NES: variants seen among roughly 807,000 people sequenced by gnomAD.
The protein encoded by NES is nestin.
A neutral mutation model predicts 35.6 loss-of-function variants in NES; 27 were observed. That is an observed-to-expected ratio of 0.76 (90% CI 0.56 to 1.04). The LOEUF is 1.04. Among genes scored for constraint, NES ranks in the 50% least tolerant of loss-of-function variants. The pLI is 0.00. For missense variants in NES, 1,867 were observed against 1,983.6 expected (o/e 0.94, Z 1.12); for synonymous variants, 822 against 824.2 (o/e 1.00, Z 0.04).
chr1:156,673,635 G>A (rs958374729), intron 2 of NES, 108 bp from the exon 3 acceptor site: 17 of 689,074 alleles, frequency 2.5e-5, no homozygotes, highest in Non-Finnish European at 3.7e-5. Context: ...AGGCCCTGCA[G>A]GCTTCCTCTT....
Position 156,671,318 on chromosome 1 carries a change from T to A in NES, c.2870A>T (p.Lys957Met), listed in dbSNP as rs1427461304. 6.2e-7 allele frequency: 1 copy of A among 1,614,128 alleles called. No homozygotes were observed. The highest frequency in any genetic ancestry group is 1.7e-5 in the Admixed American group (1 of 60,024). ...GCTTTCCTGAGCCAGTTCTTGGTCC[T>A]TCTCCACCGTATCTTCCCACCTCTG... ...DVQRWEDTVE[K>M]DQELAQESPP... is the part of the protein sequence containing the mutation. The change falls in exon 4 of 4, where the codon AAG (lysine) becomes ATG (methionine). Residue 957 changes from lysine (K) to methionine (M), a missense_variant. By Grantham distance (95) the Lys-to-Met change is moderately conservative. Transcript: ENST00000368223.
In NES at chr1:156,670,859, T is replaced by TCCCCCCCCCCACCCCCCCCCCCCCCCC; in HGVS notation, c.3328_3329insGGGGGGGGGGGGGGGGTGGGGGGGGGG (p.Gly1109_Asp1110insGlyGlyGlyGlyGlyGlyGlyGlyGly). 1.2e-6 allele frequency: 2 copies of TCCCCCCCCCCACCCCCCCCCCCCCCCC among 1,609,332 alleles called. No homozygotes were observed. The highest frequency in any genetic ancestry group is 2.2e-5 in the East Asian group (1 of 44,560). ...CTCTTCCCTGGTCAGATGGCCTGGG[T>TCCCCCCCCCCACCCCCCCCCCCCCCCC]CCCCCAGCCCTCCCACCCCCTGCCC... On this transcript the variant is annotated inframe_insertion, in exon 4 of 4. Transcript: ENST00000368223.
chr1:156,671,044 C>T lies in NES; in HGVS notation c.3144G>A (p.Val1048=), dbSNP rs1192738038. The T allele has an allele frequency of 1.9e-6, 3 of 1,613,482 alleles. No individual in the cohort carries two copies. Among genetic ancestry groups the T allele is most frequent in the Non-Finnish European group, 2.5e-6 (3 of 1,179,978 alleles). ...GGGGAGCCTGGAGGCCTGGGGCCCC[C>T]ACCTGTTGTGATTGCCCTTCAGGGT... ...LQDPEGQSQQ[V]GAPGLQAPQG... The change falls in exon 4 of 4, where the codon GTG becomes GTA. Residue 1048 remains valine (V), a synonymous_variant. Coordinates refer to ENST00000368223, the MANE Select transcript of NES (RefSeq NM_006617.2).
Position 156,671,167 on chromosome 1 carries a change from C to A in NES, c.3021G>T (p.Trp1007Cys). The A allele has an allele frequency of 6.2e-7, 1 of 1,614,124 alleles. No individual in the cohort carries two copies. Among genetic ancestry groups the A allele is most frequent in the South Asian group, 1.1e-5 (1 of 91,070 alleles). Residue 1007 changes from tryptophan to cysteine, a missense_variant, in exon 4 of 4, where the codon TGG (tryptophan) becomes TGT (cysteine). By Grantham distance (215) the Trp-to-Cys change is radical. Transcript: ENST00000368223. ...TCTCTGGGTGCCCCTCGCCTGGGAT[C>A]CAGACCTCCTCTGTGGCATTCAGCT... is the stretch of plus-strand genomic sequence containing the variant. Reference protein sequence around the residue: ...QGELNATEEVWIPGEGHPESP... With the variant: ...QGELNATEEVCIPGEGHPESP...
Position 156,669,531 on chromosome 1 carries a change from C to G in NES, c.4657G>C (p.Val1553Leu), listed in dbSNP as rs957128400. The G allele has an allele frequency of 2.5e-6, 4 of 1,611,804 alleles. No homozygotes were observed. The African/African-American group carries it at 5.3e-5, about 22-fold the overall frequency. The change falls in exon 4 of 4, where the codon GTG (valine) becomes CTG (leucine). Residue 1553 changes from valine (V) to leucine (L), a missense_variant. Val to Leu is a conservative substitution (Grantham distance 32). Coordinates refer to ENST00000368223, the MANE Select transcript of NES (RefSeq NM_006617.2). Reference protein sequence around the residue: ...EGKSQHVNGGVMNGLEQSEEV... With the variant: ...EGKSQHVNGGLMNGLEQSEEV... ...TCAGACTGCTCCAGCCCGTTCATCA[C>G]TCCCCCATTCACATGCTGTGACTTC...
rs1321239679 is a variant in NES, at chr1:156,671,289, G to A, written c.2899C>T (p.Pro967Ser). Residue 967 changes from proline to serine, a missense_variant, in exon 4 of 4, where the codon CCT (proline) becomes TCT (serine). Physicochemically the swap from Pro to Ser is moderately conservative, Grantham distance 74. Coordinates refer to ENST00000368223, the MANE Select transcript of NES (RefSeq NM_006617.2). ...KDQELAQESP[P>S]GMAGVENEDE... Reference sequence around the variant, plus strand: ...TCATTTTCCACTCCAGCCATCCCAGGAGGGCTTTCCTGAGCCAGTTCTTGG... The same window carrying A: ...TCATTTTCCACTCCAGCCATCCCAGAAGGGCTTTCCTGAGCCAGTTCTTGG... The A allele has an allele frequency of 5.6e-6, 9 of 1,614,060 alleles. No homozygotes were observed. Among genetic ancestry groups the A allele is most frequent in the Middle Eastern group, 3.3e-4 (2 of 6,062 alleles).
chr1:156,672,146 G>A lies in NES; in HGVS notation c.2042C>T (p.Pro681Leu), dbSNP rs1289863539. 8.1e-6 allele frequency: 13 copies of A among 1,611,876 alleles called. No homozygotes were observed. Among genetic ancestry groups the A allele is most frequent in the South Asian group, 1.1e-5 (1 of 90,638 alleles). ...EKENQEPLRS[P>L]EVGDEEALRP... Reference sequence around the variant, plus strand: ...CAGTGCCTCCTCATCCCCTACTTCTGGAGATCTCAGTGGCTCTTGATTCTC... The same window carrying A: ...CAGTGCCTCCTCATCCCCTACTTCTAGAGATCTCAGTGGCTCTTGATTCTC... The change falls in exon 4 of 4, where the codon CCA becomes CTA. Residue 681 changes from proline (P) to leucine (L), a missense_variant. Pro to Leu is a moderately conservative substitution (Grantham distance 98). Transcript: ENST00000368223.
In NES at chr1:156,670,315, G is replaced by T. The variant is rs1049249901; in HGVS notation, c.3873C>A (p.Leu1291=). 3.1e-6 allele frequency: 5 copies of T among 1,612,034 alleles called. No homozygotes were observed. Among genetic ancestry groups the T allele is most frequent in the Non-Finnish European group, 4.2e-6 (5 of 1,178,942 alleles). The change falls in exon 4 of 4, where the codon CTC becomes CTA. Residue 1291 remains leucine (L), a synonymous_variant. Transcript: ENST00000368223. ...ESREESEEDE[L]GETLPDSTPL... ...GAGTGGAGTCTGGAAGGGTCTCCCC[G>T]AGCTCATCCTCCTCGCTCTCTTCTC...
rs1679664148 is a variant in NES, at chr1:156,669,888, C to A, written c.4300G>T (p.Ala1434Ser). 6 of 1,613,276 alleles carry A rather than the reference C, an allele frequency of 3.7e-6. No homozygotes were observed. Among genetic ancestry groups the A allele is most frequent in the Non-Finnish European group, 5.1e-6 (6 of 1,179,764 alleles). ...EDQEEGREPGAGRWGPGSSVG... is the reference protein window; with the variant it reads ...EDQEEGREPGSGRWGPGSSVG... ...GAAGACCCTGGCCCCCACCGCCCAG[C>A]CCCTGGCTCCCTCCCCTCCTCCTGA... Residue 1434 changes from alanine to serine, a missense_variant, in exon 4 of 4, where the codon GCT becomes TCT. Transcript: ENST00000368223.
In NES at chr1:156,670,617, T is replaced by C. The variant is rs1464378244; in HGVS notation, c.3571A>G (p.Thr1191Ala). ...GCATCACTTCCAGTGTGGCCCAGGG[T>C]CTCAGCAGGGAACGCCTCCTCTGCT... ...RGAEEAFPAE[T>A]LGHTGSDAPS... The change falls in exon 4 of 4, where the codon ACC becomes GCC. Residue 1191 changes from threonine (T) to alanine (A), a missense_variant. Physicochemically the swap from Thr to Ala is moderately conservative, Grantham distance 58. Transcript: ENST00000368223. 1 of 1,613,632 alleles carries C rather than the reference T, an allele frequency of 6.2e-7. No homozygotes were observed. Among genetic ancestry groups the C allele is most frequent in the South Asian group, 1.1e-5 (1 of 91,074 alleles).
chr1:156,669,464 C>G lies in NES; in HGVS notation c.4724G>C (p.Arg1575Pro). The change falls in exon 4 of 4, where the codon CGA (arginine) becomes CCA (proline). Residue 1575 changes from arginine to proline, a missense_variant. By Grantham distance (103) the Arg-to-Pro change is moderately radical (BLOSUM62 -2). Transcript: ENST00000368223. ...CTCCTCCTCCTGAAAGGGGCTCCCT[C>G]GGTCTCCCTCAGAGACTAGCGGCAT... The part of the protein sequence containing the change: ...QGMPLVSEGD[R>P]GSPFQEEEGS... The G allele has an allele frequency of 1.9e-6, 3 of 1,613,596 alleles. No homozygotes were observed. In the South Asian group the frequency reaches 3.3e-5, roughly 18 times the overall value.
Position 156,676,832 on chromosome 1 carries a change from C to T in NES, c.433G>A (p.Glu145Lys), listed in dbSNP as rs1013329539. 2 of 1,452,486 alleles carry T rather than the reference C, an allele frequency of 1.4e-6. No homozygotes were observed. The highest frequency in any genetic ancestry group is 1.4e-5 in the South Asian group (1 of 69,882). The allele number at this position is 1,452,486 out of a possible 1,614,324, so 90.0% of individuals were successfully genotyped here. A position where few individuals can be genotyped will look rare whatever the true frequency, so the allele number is the denominator to read the frequency against. The part of the protein sequence containing the change: ...RELEALRVAH[E>K]EERVGLNAQA... ...GCGTTCAGGCCGACGCGCTCCTCCT[C>T]GTGCGCCACGCGTAGAGCCTCTAGC... The change falls in exon 1 of 4, where the codon GAG becomes AAG. Residue 145 changes from glutamate (E) to lysine (K), a missense_variant. By Grantham distance (56) the Glu-to-Lys change is moderately conservative. Transcript: ENST00000368223. This position sits in a 1 kb window ranked among gnomAD's most constrained non-coding sequence, Gnocchi z 5.3.
Position 156,677,019 on chromosome 1 carries a change from G to T in NES, c.246C>A (p.Asp82Glu). 1 of 1,586,500 alleles carries T rather than the reference G, an allele frequency of 6.3e-7. No individual in the cohort carries two copies. Among genetic ancestry groups the T allele is most frequent in the South Asian group, 1.1e-5 (1 of 88,504 alleles). ...CGCCCTCCAGCTCTTCAGCCAGGTT[G>T]TCGCGCGCCACCTCGGCCGCGTGCT... ...REKHAAEVAR[D>E]NLAEELEGVA... The change falls in exon 1 of 4, where the codon GAC (aspartate) becomes GAA (glutamate). Residue 82 changes from aspartate to glutamate, a missense_variant. Transcript: ENST00000368223. The surrounding 1 kb of genome is among the most constrained non-coding windows in gnomAD (Gnocchi z 4.5).
In NES at chr1:156,671,499, C is replaced by A. The variant is rs1163550061; in HGVS notation, c.2689G>T (p.Ala897Ser). The A allele has an allele frequency of 1.2e-6, 2 of 1,614,006 alleles. No homozygotes were observed. The highest frequency in any genetic ancestry group is 2.2e-5 in the South Asian group (2 of 91,080). Residue 897 changes from alanine to serine, a missense_variant, in exon 4 of 4, where the codon GCA becomes TCA. Physicochemically the swap from Ala to Ser is moderately conservative, Grantham distance 99. Transcript: ENST00000368223. ...GATCTCAAATTCTCCAGGTTCCATG[C>A]TCCCAGAGATCTCAATGATTCCTGA... ...ENQESLRSLGAWNLENLRSPE... is the reference protein window; with the variant it reads ...ENQESLRSLGSWNLENLRSPE...
chr1:156,676,569 G>A lies in NES; in HGVS notation c.696C>T (p.Arg232=). 4 of 1,589,264 alleles carry A rather than the reference G, an allele frequency of 2.5e-6. No homozygotes were observed. The highest frequency in any genetic ancestry group is 1.7e-5 in the Admixed American group (1 of 59,070). ...CTGCCCTGCGCTCCAGGAGGCCTCC[G>A]CGCTCAGCCTGGAGCTGCTGCAGCT... ...RLELQQLQAE[R]GGLLERRAAL... The change falls in exon 1 of 4, where the codon CGC becomes CGT. Residue 232 remains arginine (R), a synonymous_variant. Coordinates refer to ENST00000368223, the MANE Select transcript of NES (RefSeq NM_006617.2). The surrounding 1 kb of genome is among the most constrained non-coding windows in gnomAD (Gnocchi z 5.3).
chr1:156,673,341 G>T, intron 3 of NES, 113 bp downstream of exon 3: 1 of 1,316,814 alleles, frequency 7.6e-7, no homozygotes. Context: ...CATGCTCACT[G>T]ACACTGGAGG....
Position 156,671,553 on chromosome 1 carries a change from C to T in NES, c.2635G>A (p.Glu879Lys), listed in dbSNP as rs374459945. ...TCCTCTTCCAGGAGTCTGAATGTCT[C>T]TTGGTTCACTTCCACAGACTCCAGT... ...EPLESVEVNQ[E>K]TFRLLEEENQ... Residue 879 changes from glutamate to lysine, a missense_variant, in exon 4 of 4, where the codon GAG becomes AAG. Transcript: ENST00000368223. 1 of 1,613,840 alleles carries T rather than the reference C, an allele frequency of 6.2e-7. No homozygotes were observed. Among genetic ancestry groups the T allele is most frequent in the African/African-American group, 1.3e-5 (1 of 74,914 alleles).
intron 2 of NES, among the ~76,000 whole-genome samples, chr1:156,674,252 G>A (rs1182335531): frequency 1.3e-5 from 2 of 152,124 alleles, no homozygotes; most frequent in Non-Finnish European, 2.9e-5. Flanking sequence ...ACCAAAGAGG[G>A]GAGCAGGGAC....
chr1:156,674,833 C>A (rs1360286273), intron 2 of NES, among the ~76,000 whole-genome samples: 1 of 152,350 alleles, frequency 6.6e-6, no homozygotes, highest in South Asian at 2.1e-4. Context: ...GCCTGCAATG[C>A]CTCCTTTCCG....
Sources: allele counts gnomAD v4.1 joint callset (sites outside exome capture counted in the v4.1 genomes callset), GRCh38; gene constraint gnomAD v4.1.1; non-coding constraint Gnocchi (gnomAD v3.1); transcripts MANE v1.5; gene names NCBI Gene and HGNC (gene_info 2026-07-23, HGNC 2026-07-21).